RERE: variants seen among roughly 807,000 people sequenced by gnomAD.
The protein encoded by RERE is arginine-glutamic acid dipeptide repeats protein.
In RERE, 40 loss-of-function variants were observed where a neutral mutation model predicts 146.1. The observed-to-expected ratio is 0.27, with a 90% CI of 0.21 to 0.36. The LOEUF (loss-of-function observed/expected upper bound fraction) is 0.36, where lower values mean the gene tolerates loss of function less well. Ranked by LOEUF, RERE falls within the 10% of genes least tolerant of loss-of-function variation. The pLI, the probability that RERE is intolerant of heterozygous loss-of-function variation, is 1.00. For missense variants in RERE, 1,933 were observed against 2,138.7 expected (o/e 0.90, Z 1.90); for synonymous variants, 1,003 against 866.0 (o/e 1.16, Z -2.78).
Position 8,443,476 on chromosome 1 carries a change from A to AG in RERE, c.1204-20670_1204-20669insC, listed in dbSNP as rs1477969907. Among the ~76,000 whole-genome samples, 104 of 151,294 alleles carry AG rather than the reference A, an allele frequency of 6.9e-4. 1 individual carries two copies. The highest frequency in any genetic ancestry group is 3.4e-3 in the Middle Eastern group (1 of 292). ...CAAAAAAAGAAAAAAAAAAAAAAAA[A>AG]AAAGAAAGAAAAGCTTTCTCAGGAG... is the stretch of plus-strand genomic sequence containing the variant. On this transcript the variant is annotated intron_variant, in intron 11 of 22. Coordinates refer to ENST00000400908, the MANE Select transcript of RERE (RefSeq NM_001042681.2).
intron 7 of RERE, among the ~76,000 whole-genome samples, chr1:8,515,335 C>A (rs1487453746): frequency 6.6e-6 from 1 of 151,990 alleles, no homozygotes; most frequent in East Asian, 1.9e-4. Context: ...GCACTCCAGC[C>A]TGGGCAAAAC....
At chr1:8,416,597 AAAAAAG>A (rs1244003052) in intron 12 of RERE, among the ~76,000 whole-genome samples, 2 of 150,454 alleles carry the variant, frequency 1.3e-5, no homozygotes, top group Non-Finnish European at 3.0e-5. Flanking sequence ...AAAAAAAAAA[AAAAAAG>A]AAAAGAAAAG....
chr1:8,367,960 T>C (rs1474406459), intron 12 of RERE, among the ~76,000 whole-genome samples: 1 of 152,192 alleles, frequency 6.6e-6, no homozygotes, highest in Non-Finnish European at 1.5e-5. Flanking sequence ...GTGTCTGGTT[T>C]TCCTCTGAGA....
intron 1 of RERE, among the ~76,000 whole-genome samples, chr1:8,699,813 A>G (rs894658092): frequency 2.0e-5 from 3 of 152,180 alleles, no homozygotes; most frequent in African/African-American, 7.2e-5. Flanking sequence ...AATGAATTAA[A>G]AAGTATCTTA....
intron 7 of RERE, among the ~76,000 whole-genome samples, chr1:8,529,980 A>G (rs138149671): frequency 3.3e-5 from 5 of 152,214 alleles, no homozygotes; most frequent in African/African-American, 1.2e-4. Flanking sequence ...AGTTCTCTTG[A>G]ACACGGGCTG....
At chr1:8,575,313 G>A (rs541906490) in intron 4 of RERE, among the ~76,000 whole-genome samples, 15 of 151,200 alleles carry the variant, frequency 9.9e-5, no homozygotes, top group East Asian at 1.9e-4. Flanking sequence ...CTAAATAACC[G>A]GACACTTTCA....
chr1:8,500,826 T>C (rs1228892069), intron 8 of RERE, among the ~76,000 whole-genome samples: 4 of 142,804 alleles, frequency 2.8e-5, no homozygotes, highest in East Asian at 2.1e-4. Context: ...CCCGCCGCCC[T>C]GTCTGGGATG....
intron 1 of RERE, among the ~76,000 whole-genome samples, chr1:8,805,649 CA>C (rs1229860670): frequency 0.011 from 682 of 60,584 alleles, 2 homozygotes; most frequent in Non-Finnish European, 0.014. Flanking sequence ...GAATCCGTCT[CA>C]AAAAAAAAAA....
intron 4 of RERE, among the ~76,000 whole-genome samples, chr1:8,578,985 T>A (rs1039440339): frequency 1.3e-5 from 2 of 152,336 alleles, no homozygotes; most frequent in South Asian, 2.1e-4. Flanking sequence ...GGAGCCCTCC[T>A]GTCCAGAAGA....
At chr1:8,625,986 G>A (rs911292521) in intron 2 of RERE, among the ~76,000 whole-genome samples, 4 of 152,164 alleles carry the variant, frequency 2.6e-5, no homozygotes, top group African/African-American at 7.2e-5. Flanking sequence ...CTGAATCCAC[G>A]TAAAACAGTA....
Position 8,364,540 on chromosome 1 carries a change from G to A in RERE, c.1540+206C>T, listed in dbSNP as rs541685574. On this transcript the variant is annotated intron_variant, in intron 14 of 22. Coordinates refer to ENST00000400908, the MANE Select transcript of RERE (RefSeq NM_001042681.2). The surrounding 1 kb of genome is among the most constrained non-coding windows in gnomAD (Gnocchi z 5.1). The stretch of plus-strand genomic sequence containing the variant: ...CCCCCAATCCCACTCAATCTGTCCT[G>A]CCTACCAGTCAGTATTCCATACCGA... Among the ~76,000 whole-genome samples the A allele has an allele frequency of 3.3e-5, 5 of 152,222 alleles. No homozygotes were observed. The highest frequency in any genetic ancestry group is 7.2e-5 in the African/African-American group (3 of 41,524).
chr1:8,570,312 CAG>C (rs1646204898), intron 4 of RERE, among the ~76,000 whole-genome samples: 2 of 151,918 alleles, frequency 1.3e-5, no homozygotes, highest in Non-Finnish European at 2.9e-5. Context: ...AGCCTGGCGA[CAG>C]AGTGAGACTC....
At chr1:8,516,821 G>A (rs1570378286) in intron 7 of RERE, among the ~76,000 whole-genome samples, 1 of 152,232 alleles carries the variant, frequency 6.6e-6, no homozygotes, top group African/African-American at 2.4e-5. Flanking sequence ...ATTTTTTTAA[G>A]TTTGAAAGTC....
chr1:8,436,372 A>G (rs1188726621), intron 11 of RERE, among the ~76,000 whole-genome samples: 1 of 152,120 alleles, frequency 6.6e-6, no homozygotes, highest in Non-Finnish European at 1.5e-5. Flanking sequence ...ACAGAATCCA[A>G]ATGGGCATGG....
At chr1:8,479,728 T>C (rs1269775253) in intron 10 of RERE, among the ~76,000 whole-genome samples, 2 of 152,146 alleles carry the variant, frequency 1.3e-5, no homozygotes, top group Admixed American at 6.5e-5. Flanking sequence ...CACTGACAAC[T>C]TGATGTCAGA....
intron 5 of RERE, 52 bp from the exon 6 acceptor site, chr1:8,556,623 T>G: frequency 8.6e-7 from 1 of 1,165,286 alleles, no homozygotes; most frequent in Non-Finnish European, 1.3e-6. Context: ...CCAAAACAAG[T>G]AAAAAAAATT....
intron 20 of RERE, 152 bp downstream of exon 20, chr1:8,358,044 C>G: frequency 2.2e-6 from 3 of 1,357,824 alleles, no homozygotes; most frequent in Non-Finnish European, 3.0e-6. Context: ...AAAACCATGA[C>G]GGTAGTGGAT....
chr1:8,627,911 G>A (rs1646993772), intron 2 of RERE, among the ~76,000 whole-genome samples: 1 of 152,192 alleles, frequency 6.6e-6, no homozygotes, highest in Non-Finnish European at 1.5e-5. Flanking sequence ...GTCAAGAGCA[G>A]CCAAGCACAT....
intron 4 of RERE, among the ~76,000 whole-genome samples, chr1:8,605,268 G>T (rs147503254): frequency 2.0e-5 from 3 of 152,168 alleles, no homozygotes; most frequent in African/African-American, 7.2e-5. Flanking sequence ...AAGTAGCTGG[G>T]ACTACAGGCA....
Sources: allele counts gnomAD v4.1 joint callset (sites outside exome capture counted in the v4.1 genomes callset), GRCh38; gene constraint gnomAD v4.1.1; non-coding constraint Gnocchi (gnomAD v3.1); transcripts MANE v1.5; gene names NCBI Gene and HGNC (gene_info 2026-07-23, HGNC 2026-07-21).